The following HDAC8 variants were observed in gnomAD, a reference collection of about 807,000 sequenced individuals.
HDAC8 encodes histone deacetylase-like 1.
In HDAC8, 1 loss-of-function variant was observed where a neutral mutation model predicts 32.2. That is an observed-to-expected ratio of 0.03 (90% CI 0.01 to 0.15). HDAC8 has a LOEUF of 0.15. Among genes scored for constraint, HDAC8 ranks in the 10% least tolerant of loss-of-function variants. The probability of loss-of-function intolerance (pLI) is 1.00; values close to 1 mark genes in which losing one functional copy is unlikely to be tolerated. For synonymous variants in HDAC8, 108 were observed against 113.9 expected (o/e 0.95, Z 0.33); for missense variants, 117 against 300.0 (o/e 0.39, Z 4.51).
intron 9 of HDAC8, among the ~76,000 whole-genome samples, chrX:72,422,504 ACCTCTCCCAGTCTTTAAGGT>A (rs1343163443): frequency 1.4e-4 from 15 of 110,837 alleles, no homozygotes; most frequent in Admixed American, 2.9e-4. Flanking sequence ...CAAGTAAAAC[ACCTCTCCCAGTCTTTAAGGT>A]CCTCTCAAGT....
intron 6 of HDAC8, among the ~76,000 whole-genome samples, chrX:72,490,651 C>T (rs1472705364): frequency 1.9e-5 from 2 of 103,422 alleles, no homozygotes; most frequent in Non-Finnish European, 4.0e-5. Context: ...ATACCTAATG[C>T]TAAATGACGA....
intron 7 of HDAC8, among the ~76,000 whole-genome samples, chrX:72,484,214 G>A (rs1396631860): frequency 1.8e-5 from 2 of 111,346 alleles, no homozygotes; most frequent in Non-Finnish European, 3.8e-5. Context: ...AGGCAAATAG[G>A]CCAAGGACCA....
intron 9 of HDAC8, among the ~76,000 whole-genome samples, chrX:72,450,378 C>T (rs1555986982): frequency 1.8e-5 from 2 of 111,839 alleles, no homozygotes; most frequent in African/African-American, 6.5e-5. Context: ...ATAAAATTGC[C>T]TATGCACACA....
At chrX:72,345,441 C>T (rs1311374784) in intron 10 of HDAC8, among the ~76,000 whole-genome samples, 2 of 110,916 alleles carry the variant, frequency 1.8e-5, no homozygotes, top group Non-Finnish European at 3.8e-5. Context: ...ACAATGTCTT[C>T]GGGTGCCAGT....
intron 7 of HDAC8, among the ~76,000 whole-genome samples, chrX:72,475,823 C>G (rs1479292228): frequency 9.0e-6 from 1 of 111,451 alleles, no homozygotes; most frequent in Non-Finnish European, 1.9e-5. Context: ...CCAAACCAAC[C>G]AACCAACCAA....
At chrX:72,517,369 A>G (rs1309763793) in intron 4 of HDAC8, among the ~76,000 whole-genome samples, 11 of 111,398 alleles carry the variant, frequency 9.9e-5, no homozygotes, top group Non-Finnish European at 1.9e-4. Context: ...TTCCCATTCT[A>G]TTGGTTGTAT....
chrX:72,441,820 C>A (rs782779167), intron 9 of HDAC8, among the ~76,000 whole-genome samples: 9 of 111,263 alleles, frequency 8.1e-5, no homozygotes, highest in African/African-American at 2.9e-4. Flanking sequence ...CTAGAATAAC[C>A]AATACAGAGA....
intron 10 of HDAC8, among the ~76,000 whole-genome samples, chrX:72,336,692 A>G (rs2043696101): frequency 9.0e-6 from 1 of 111,588 alleles, no homozygotes; most frequent in African/African-American, 3.3e-5. Flanking sequence ...TTCTGGGATT[A>G]CAGGCAGGAG....
chrX:72,441,370 G>A (rs1229619082), intron 9 of HDAC8, among the ~76,000 whole-genome samples: 3 of 111,997 alleles, frequency 2.7e-5, no homozygotes, highest in Admixed American at 9.4e-5. Context: ...AGCAGCATTC[G>A]TGGTTCACGA....
intron 4 of HDAC8, among the ~76,000 whole-genome samples, chrX:72,547,009 C>G (rs1456640738): frequency 9.0e-6 from 1 of 111,231 alleles, no homozygotes; most frequent in African/African-American, 3.3e-5. Context: ...ACCCCTCAAC[C>G]CTTACTTTCC....
intron 9 of HDAC8, among the ~76,000 whole-genome samples, chrX:72,402,193 CGG>C (rs2045919695): frequency 9.0e-6 from 1 of 110,864 alleles, no homozygotes; most frequent in African/African-American, 3.3e-5. Context: ...TCTGTAAAAT[CGG>C]TGGTAATTTT....
At chrX:72,358,334 G>T (rs1194323102) in intron 9 of HDAC8, among the ~76,000 whole-genome samples, 1 of 111,703 alleles carries the variant, frequency 9.0e-6, no homozygotes, top group Admixed American at 9.5e-5. Context: ...AGTACTTTAT[G>T]GTTTCTCTTT....
intron 9 of HDAC8, among the ~76,000 whole-genome samples, chrX:72,366,502 C>T (rs186385432): frequency 8.5e-4 from 96 of 112,534 alleles, no homozygotes; most frequent in African/African-American, 3.0e-3. Flanking sequence ...TGTGTTCCCA[C>T]AGCTCACTGC....
chrX:72,389,368 A>G (rs2045549995), intron 9 of HDAC8, among the ~76,000 whole-genome samples: 1 of 112,069 alleles, frequency 8.9e-6, no homozygotes, highest in South Asian at 3.7e-4. Flanking sequence ...GAGTTTTGTG[A>G]GGCTTAAATA....
At chrX:72,564,998 T>A (rs1214329821) in intron 4 of HDAC8, among the ~76,000 whole-genome samples, 1 of 112,279 alleles carries the variant, frequency 8.9e-6, no homozygotes, top group Non-Finnish European at 1.9e-5. Context: ...CTGGCCCAAC[T>A]GGTATGAACA....
intron 9 of HDAC8, among the ~76,000 whole-genome samples, chrX:72,374,442 TG>T (rs2044987184): frequency 9.0e-6 from 1 of 110,543 alleles, no homozygotes; most frequent in Non-Finnish European, 1.9e-5. Flanking sequence ...GAGGCTGAGG[TG>T]GGTGGATCAC....
intron 4 of HDAC8, among the ~76,000 whole-genome samples, chrX:72,499,901 A>T (rs782650344): frequency 3.8e-4 from 42 of 111,810 alleles, no homozygotes; most frequent in Admixed American, 9.5e-4. Flanking sequence ...ATAAAGAAGA[A>T]AAGAAAGAAG....
intron 9 of HDAC8, among the ~76,000 whole-genome samples, chrX:72,387,646 G>C (rs1179660754): frequency 8.9e-6 from 1 of 111,750 alleles, no homozygotes; most frequent in Non-Finnish European, 1.9e-5. Flanking sequence ...GATAATAATA[G>C]TTGTTGTGTT....
chrX:72,473,700 T>C (rs1357159898), intron 7 of HDAC8: 2 of 752,571 alleles, frequency 2.7e-6, no homozygotes, highest in African/African-American at 4.6e-5. Context: ...ATGCATCAGA[T>C]ACTATGTCAG....
Sources: gnomAD v4.1 joint callset for allele counts (sites outside exome capture counted in the v4.1 genomes callset) on GRCh38, gnomAD v4.1.1 for gene constraint, MANE v1.5 for transcripts, NCBI Gene and HGNC (gene_info 2026-07-23, HGNC 2026-07-21) for gene names.